Variants in F8 observed in about 807,000 individuals in gnomAD.
The protein encoded by F8 is coagulation factor VIII.
A neutral mutation model predicts 140.6 loss-of-function variants in F8; 12 were observed. The ratio of observed to expected loss-of-function variants is 0.09; its 90% CI spans 0.05 to 0.14. The LOEUF is 0.14. Ranked by LOEUF, F8 falls within the 10% of genes least tolerant of loss-of-function variation. F8 has a pLI of 1.00. For synonymous variants in F8, 585 were observed against 614.6 expected (o/e 0.95, Z 0.71); for missense variants, 1,354 against 1,720.7 (o/e 0.79, Z 3.77).
rs34277626 is a variant in F8 at position 154,987,206 on chromosome X, G to C, written c.670+31C>G. The C allele has an allele frequency of 1.1e-3, 1,175 of 1,107,923 alleles. 12 individuals carry two copies. The African/African-American group carries it at 0.019, about 18-fold the overall frequency. 91.3% of individuals were successfully genotyped at this position (1,107,923 alleles called of 1,213,427 possible). The stretch of plus-strand genomic sequence containing the variant: ...AATAGTAGCAGAGGATTTCTTTCAG[G>C]AATCCAAAATTCAGATTAAGACTCA... On this transcript the variant is annotated intron_variant, in intron 5 of 25. Coordinates refer to ENST00000360256, the MANE Select transcript of F8 (RefSeq NM_000132.4).
intron 25 of F8, among the ~76,000 whole-genome samples, chrX:154,854,380 C>T (rs2072636146): frequency 1.8e-5 from 2 of 112,547 alleles, no homozygotes. Flanking sequence ...TAGTAAGAGA[C>T]AGTTCCTTCT....
At position 154,987,259 on chromosome X, in the gene F8, T is replaced by C; in HGVS notation, c.648A>G (p.Leu216=). 1 of 1,210,164 alleles carries C rather than the reference T, an allele frequency of 8.3e-7. No individual in the cohort carries two copies. The highest frequency in any genetic ancestry group is 1.1e-6 in the Non-Finnish European group (1 of 894,131). ...EKTQTLHKFI[L]LFAVFDEGKS... ...AACCTTCATCAAATACAGCAAAAAG[T>C]AGTATAAATTTGTGCAAGGTCTGTG... The change falls in exon 5 of 26, where the codon CTA becomes CTG. Residue 216 remains leucine (L), a synonymous_variant. Transcript: ENST00000360256.
At chrX:155,013,690 G>A (rs191527593) in intron 1 of F8, among the ~76,000 whole-genome samples, 158 of 111,899 alleles carry the variant, frequency 1.4e-3, no homozygotes, top group African/African-American at 4.9e-3. Flanking sequence ...GGCCAGGGCT[G>A]CCATAACAAA....
At chrX:154,971,891 G>A (rs1557282600) in intron 6 of F8, among the ~76,000 whole-genome samples, 1 of 112,261 alleles carries the variant, frequency 8.9e-6, no homozygotes, top group Non-Finnish European at 1.9e-5. Context: ...ATTCCATTGT[G>A]TATCTATATC....
chrX:154,988,025 C>T (rs782112949), intron 4 of F8, among the ~76,000 whole-genome samples: 4 of 112,004 alleles, frequency 3.6e-5, no homozygotes, highest in South Asian at 7.3e-4. Flanking sequence ...AGCAACAGTA[C>T]GTGTGCTGCT....
intron 25 of F8, among the ~76,000 whole-genome samples, chrX:154,851,452 C>T (rs782372281): frequency 1.8e-5 from 2 of 112,114 alleles, no homozygotes; most frequent in South Asian, 3.7e-4. Flanking sequence ...GTTTTCCTTA[C>T]TGAGGAACTG....
chrX:154,945,414 G>C (rs899541716), intron 13 of F8, among the ~76,000 whole-genome samples: 1 of 111,607 alleles, frequency 9.0e-6, no homozygotes, highest in Non-Finnish European at 1.9e-5. Context: ...CATGATCAAG[G>C]GGGATTCATC....
chrX:154,874,628 A>G (rs1557273851), intron 22 of F8, among the ~76,000 whole-genome samples: 3 of 112,318 alleles, frequency 2.7e-5, no homozygotes, highest in African/African-American at 9.7e-5. Context: ...TTGGGAATTA[A>G]GTTTCCAACA....
At chrX:154,900,324 C>T (rs2073003021) in intron 20 of F8, among the ~76,000 whole-genome samples, 2 of 110,866 alleles carry the variant, frequency 1.8e-5, no homozygotes, top group Non-Finnish European at 3.8e-5. Context: ...ACCTCCACCT[C>T]CTGAGTTCAA....
rs1184930129 is a variant in F8 at position 154,972,707 on chromosome X, C to CTTTTTTTTTTTTTTTTTTT, written c.788-3174_788-3156dup. The stretch of plus-strand genomic sequence containing the variant: ...GTTCTTTTCTTTTCTTTCTGTCTTT[C>CTTTTTTTTTTTTTTTTTTT]TTTTTTTTTTTTTTTTTTTTTTTTT... On this transcript the variant is annotated intron_variant, in intron 6 of 25. Transcript: ENST00000360256. Among the ~76,000 whole-genome samples the CTTTTTTTTTTTTTTTTTTT allele has an allele frequency of 7.2e-5, 4 of 55,266 alleles. 1 individual carries two copies. The highest frequency in any genetic ancestry group is 2.7e-4 in the African/African-American group (4 of 14,643). The allele number at this position is 55,266 out of a possible 115,157, so 48.0% of individuals were successfully genotyped here. A position where few individuals can be genotyped will look rare whatever the true frequency, so the allele number is the denominator to read the frequency against.
Position 154,928,710 on chromosome X carries a change from C to G in F8, c.5080G>C (p.Glu1694Gln), listed in dbSNP as rs147020460. The stretch of plus-strand genomic sequence containing the variant: ...TCCTCATCATAAATGTCAAAATCTT[C>G]CTTCTTCATTTCAACTGATATGGTA... ...DDTISVEMKK[E>Q]DFDIYDEDEN... is the part of the protein sequence containing the mutation. Residue 1694 changes from glutamate (E) to glutamine (Q), a missense_variant, in exon 14 of 26, where the codon GAA (glutamate) becomes CAA (glutamine). Physicochemically the swap from Glu to Gln is conservative, Grantham distance 29. Around this residue, in one of 4 missense-constraint regions of F8, gnomAD observed 658 missense variants for 666.5 expected, o/e 0.99. Transcript: ENST00000360256. The G allele has an allele frequency of 8.3e-7, 1 of 1,207,975 alleles. No individual in the cohort carries two copies. Among genetic ancestry groups the G allele is most frequent in the African/African-American group, 1.8e-5 (1 of 56,948 alleles).
intron 14 of F8, among the ~76,000 whole-genome samples, chrX:154,907,394 C>T (rs1030692718): frequency 8.9e-6 from 1 of 111,856 alleles, no homozygotes; most frequent in African/African-American, 3.2e-5. Context: ...TTGGCACTTT[C>T]ATATGGACCT....
chrX:154,855,090 G>A (rs1378893453), intron 25 of F8, among the ~76,000 whole-genome samples: 9 of 111,570 alleles, frequency 8.1e-5, no homozygotes, highest in African/African-American at 2.0e-4. Flanking sequence ...ACTGCACTCC[G>A]GCCTGGGTGA....
chrX:154,847,428 A>T (rs1392712953), intron 25 of F8, among the ~76,000 whole-genome samples: 2 of 111,983 alleles, frequency 1.8e-5, no homozygotes, highest in Admixed American at 1.9e-4. Context: ...CACTAATCAG[A>T]CATAGATTTG....
chrX:154,917,070 G>A (rs1344910579), intron 14 of F8, among the ~76,000 whole-genome samples: 2 of 111,470 alleles, frequency 1.8e-5, no homozygotes, highest in Non-Finnish European at 3.8e-5. Context: ...TAATTTCCAT[G>A]TATTTGTATA....
chrX:154,987,194 G>T, intron 5 of F8, 43 bp downstream of exon 5: 1 of 1,025,267 alleles, frequency 9.8e-7, no homozygotes, highest in Non-Finnish European at 1.4e-6. Flanking sequence ...AGTAGCAGAG[G>T]ATTTCTTTCA....
At position 155,022,666 on chromosome X, in the gene F8, A is replaced by C; in HGVS notation, c.-114T>G. On this transcript the variant is annotated 5_prime_UTR_variant, in exon 1 of 26. It adds an upstream start codon to the 5' untranslated region. Coordinates refer to ENST00000360256, the MANE Select transcript of F8 (RefSeq NM_000132.4). ...AATTTCTGATTTAATGAAAAGTCCC[A>C]ATTTCTTTGCAGAGCATTTTAAGGA... 8.5e-7 allele frequency: 1 copy of C among 1,175,819 alleles called. No individual in the cohort carries two copies. Among genetic ancestry groups the C allele is most frequent in the South Asian group, 1.9e-5 (1 of 53,185 alleles).
chrX:154,929,282 T>A lies in F8; in HGVS notation c.4508A>T (p.Asp1503Val). The A allele has an allele frequency of 8.3e-7, 1 of 1,211,923 alleles. No individual in the cohort carries two copies. ...KVENTVLPKP[D>V]LPKTSGKVEL... ...AACTTTGCCAGATGTTTTGGGCAAG[T>A]CTGGTTTCGGGAGAACAGTGTTCTC... Residue 1503 changes from aspartate (D) to valine (V), a missense_variant, in exon 14 of 26, where the codon GAC becomes GTC. Around this residue, in one of 4 missense-constraint regions of F8, gnomAD observed 658 missense variants for 666.5 expected, o/e 0.99. Transcript: ENST00000360256.
At chrX:154,931,707 A>G in intron 13 of F8, 31 bp from the exon 14 acceptor site, 1 of 1,135,058 alleles carries the variant, frequency 8.8e-7, no homozygotes, top group Non-Finnish European at 1.2e-6. Context: ...GACTCTGGTT[A>G]CTCATAACAC....
Sources: allele counts gnomAD v4.1 joint callset (sites outside exome capture counted in the v4.1 genomes callset), GRCh38; gene constraint gnomAD v4.1.1; regional missense constraint gnomAD v4.1.1; transcripts MANE v1.5; gene names NCBI Gene and HGNC (gene_info 2026-07-23, HGNC 2026-07-21).